TOX: variants seen among roughly 807,000 people sequenced by gnomAD.
The protein encoded by TOX is thymocyte selection-associated high mobility group box protein TOX.
Under a neutral mutation model 53.7 loss-of-function variants are expected in TOX, and 11 were observed. The observed-to-expected ratio is 0.20, with a 90% CI of 0.13 to 0.34. The LOEUF (loss-of-function observed/expected upper bound fraction) is 0.34, where lower values mean the gene tolerates loss of function less well. Ranked by LOEUF, TOX falls within the 10% of genes least tolerant of loss-of-function variation. The probability of loss-of-function intolerance (pLI) is 1.00; values close to 1 mark genes in which losing one functional copy is unlikely to be tolerated. For synonymous variants in TOX, 225 were observed against 245.3 expected (o/e 0.92, Z 0.77); for missense variants, 570 against 664.6 (o/e 0.86, Z 1.56).
intron 1 of TOX, among the ~76,000 whole-genome samples, chr8:59,047,200 A>ATT (rs1563429080): frequency 1.7e-5 from 2 of 115,280 alleles, no homozygotes; most frequent in African/African-American, 6.8e-5. Context: ...TCCACCAAGA[A>ATT]TTGTTTTTTT....
At chr8:58,866,176 C>T (rs1019204663) in intron 3 of TOX, among the ~76,000 whole-genome samples, 1 of 152,082 alleles carries the variant, frequency 6.6e-6, no homozygotes, top group Non-Finnish European at 1.5e-5. Flanking sequence ...ACGACTGTGG[C>T]CTAAGTCTAT....
chr8:58,870,294 A>G (rs1052160696), intron 3 of TOX, among the ~76,000 whole-genome samples: 3 of 152,158 alleles, frequency 2.0e-5, no homozygotes, highest in South Asian at 2.1e-4. Flanking sequence ...TAAAAATACC[A>G]TTTACAACAG....
intron 3 of TOX, among the ~76,000 whole-genome samples, chr8:58,913,422 G>A (rs112959233): frequency 2.0e-5 from 3 of 152,276 alleles, no homozygotes; most frequent in African/African-American, 7.2e-5. Flanking sequence ...TTCTGTAAAT[G>A]TGGGAAGTGA....
At chr8:59,008,516 C>T (rs1172572775) in intron 1 of TOX, among the ~76,000 whole-genome samples, 4 of 152,210 alleles carry the variant, frequency 2.6e-5, no homozygotes, top group African/African-American at 9.6e-5. Flanking sequence ...CGGAGGTCCA[C>T]GTGGCAGGCC....
intron 7 of TOX, among the ~76,000 whole-genome samples, chr8:58,811,998 T>G (rs1563359325): frequency 1.3e-5 from 2 of 152,186 alleles, no homozygotes; most frequent in African/African-American, 4.8e-5. Flanking sequence ...GTTAACGTTC[T>G]TCTCTCTCTG....
intron 1 of TOX, among the ~76,000 whole-genome samples, chr8:58,965,858 T>G (rs1812886107): frequency 1.3e-5 from 2 of 151,690 alleles, no homozygotes; most frequent in South Asian, 2.1e-4. Context: ...TTTCCATTTT[T>G]GTATTCCTTG....
At chr8:58,941,675 A>G (rs1028324319) in intron 2 of TOX, among the ~76,000 whole-genome samples, 1 of 152,164 alleles carries the variant, frequency 6.6e-6, no homozygotes, top group Non-Finnish European at 1.5e-5. Flanking sequence ...AATTATATGA[A>G]CATAGATTTC....
chr8:59,079,086 C>A (rs1279852092), intron 1 of TOX, among the ~76,000 whole-genome samples: 1 of 152,168 alleles, frequency 6.6e-6, no homozygotes, highest in African/African-American at 2.4e-5. Context: ...GAGGAAGTAA[C>A]TTGGCTGCTT....
chr8:59,072,418 T>C (rs1586002190), intron 1 of TOX, among the ~76,000 whole-genome samples: 1 of 152,212 alleles, frequency 6.6e-6, no homozygotes, highest in Admixed American at 6.5e-5. Flanking sequence ...GATATCATCA[T>C]AACCAAAAGA....
intron 1 of TOX, among the ~76,000 whole-genome samples, chr8:58,973,466 C>A (rs1813036494): frequency 6.6e-6 from 1 of 152,138 alleles, no homozygotes; most frequent in Non-Finnish European, 1.5e-5. Context: ...AATAAAGCCT[C>A]GGAGGCTCCA....
chr8:58,958,524 A>T (rs989117173), intron 2 of TOX, among the ~76,000 whole-genome samples: 1 of 152,228 alleles, frequency 6.6e-6, no homozygotes, highest in African/African-American at 2.4e-5. Flanking sequence ...TAAACTTGTC[A>T]GTACAGTTTT....
intron 1 of TOX, among the ~76,000 whole-genome samples, chr8:58,962,894 A>C (rs1461474317): frequency 6.6e-6 from 1 of 152,232 alleles, no homozygotes; most frequent in Non-Finnish European, 1.5e-5. Context: ...TGGGCTGCCC[A>C]GGTATTTGGT....
At chr8:58,829,302 G>C (rs953913607) in intron 5 of TOX, among the ~76,000 whole-genome samples, 7 of 152,114 alleles carry the variant, frequency 4.6e-5, no homozygotes, top group African/African-American at 1.7e-4. Flanking sequence ...AGATGCCCCT[G>C]GTTTCCCTCC....
At chr8:59,116,847 C>G (rs1805109507) in intron 1 of TOX, among the ~76,000 whole-genome samples, 1 of 152,198 alleles carries the variant, frequency 6.6e-6, no homozygotes, top group African/African-American at 2.4e-5. Flanking sequence ...TTAAAAGGAA[C>G]TTCAATGAGC....
At chr8:59,084,370 G>A (rs1804471796) in intron 1 of TOX, among the ~76,000 whole-genome samples, 1 of 151,948 alleles carries the variant, frequency 6.6e-6, no homozygotes, top group Non-Finnish European at 1.5e-5. Flanking sequence ...ATATTGTACT[G>A]GAAAATAGCC....
At chr8:58,844,679 T>C (rs546294656) in intron 4 of TOX, among the ~76,000 whole-genome samples, 1 of 152,168 alleles carries the variant, frequency 6.6e-6, no homozygotes, top group African/African-American at 2.4e-5. Context: ...AACATAGAAA[T>C]TGTATGAAAA....
chr8:58,832,795 C>T (rs182086176), intron 5 of TOX, among the ~76,000 whole-genome samples: 4 of 152,230 alleles, frequency 2.6e-5, no homozygotes, highest in East Asian at 1.9e-4. Context: ...TATATAAACA[C>T]ATTAACAGTA....
chr8:58,956,438 G>T (rs1379490980), intron 2 of TOX, among the ~76,000 whole-genome samples: 1 of 152,092 alleles, frequency 6.6e-6, no homozygotes, highest in South Asian at 2.1e-4. Flanking sequence ...ACATTTTATT[G>T]TATAGATTTA....
At chr8:58,912,586 G>A (rs1315985943) in intron 3 of TOX, among the ~76,000 whole-genome samples, 2 of 152,204 alleles carry the variant, frequency 1.3e-5, no homozygotes, top group African/African-American at 4.8e-5. Flanking sequence ...CAGAATTTCT[G>A]ATTGAAAAGG....
Sources: gnomAD v4.1 joint callset for allele counts (sites outside exome capture counted in the v4.1 genomes callset) on GRCh38, gnomAD v4.1.1 for gene constraint, MANE v1.5 for transcripts, NCBI Gene and HGNC (gene_info 2026-07-23, HGNC 2026-07-21) for gene names.